Variants in ADK observed in about 807,000 individuals in gnomAD.
The protein encoded by ADK is N6,N6-dimethyladenosine kinase.
ADK carries 24 observed loss-of-function variants against 44.7 expected under a neutral mutation model. The observed-to-expected ratio is 0.54, with a 90% CI of 0.39 to 0.76. ADK has a LOEUF of 0.76. ADK is among the 30% of genes least tolerant of loss of function. The pLI is 0.00. For synonymous variants in ADK, 128 were observed against 142.6 expected (o/e 0.90, Z 0.73); for missense variants, 321 against 425.1 (o/e 0.76, Z 2.15).
At chr10:74,477,759 A>G (rs1273877701) in intron 6 of ADK, among the ~76,000 whole-genome samples, 1 of 152,142 alleles carries the variant, frequency 6.6e-6, no homozygotes, top group Non-Finnish European at 1.5e-5. Flanking sequence ...TAACATTTAT[A>G]TTGTTCTGTA....
At chr10:74,278,381 A>C (rs981640471) in intron 3 of ADK, among the ~76,000 whole-genome samples, 3 of 151,438 alleles carry the variant, frequency 2.0e-5, no homozygotes, top group African/African-American at 4.8e-5. Context: ...AAAAAAAAAA[A>C]AAAAACAACC....
intron 7 of ADK, among the ~76,000 whole-genome samples, chr10:74,575,520 G>A (rs747429988): frequency 7.9e-5 from 12 of 152,126 alleles, no homozygotes; most frequent in Non-Finnish European, 1.8e-4. Flanking sequence ...TGACAAGAGT[G>A]GTTGAAGGTA....
intron 9 of ADK, among the ~76,000 whole-genome samples, chr10:74,605,790 T>G (rs1435192191): frequency 6.6e-6 from 1 of 152,204 alleles, no homozygotes; most frequent in East Asian, 1.9e-4. Flanking sequence ...TCTTTTTCTA[T>G]TGTTTGGAAT....
chr10:74,528,183 A>G (rs1373545143), intron 7 of ADK: 1 of 804,944 alleles, frequency 1.2e-6, no homozygotes, highest in African/African-American at 1.7e-5. Context: ...GTTATTGAAT[A>G]TGTATCTTTG....
At chr10:74,372,664 T>G (rs991984753) in intron 4 of ADK, among the ~76,000 whole-genome samples, 1 of 152,086 alleles carries the variant, frequency 6.6e-6, no homozygotes, top group East Asian at 1.9e-4. Context: ...AGTGTGGAAC[T>G]TATACTCTAA....
intron 7 of ADK, among the ~76,000 whole-genome samples, chr10:74,529,661 G>T (rs1348099172): frequency 6.6e-6 from 1 of 151,996 alleles, no homozygotes; most frequent in Non-Finnish European, 1.5e-5. Flanking sequence ...GCTGCTACGT[G>T]GCTGTAAGTC....
intron 1 of ADK, among the ~76,000 whole-genome samples, chr10:74,157,239 G>C (rs984727451): frequency 1.3e-5 from 2 of 152,184 alleles, no homozygotes; most frequent in Non-Finnish European, 2.9e-5. Context: ...CCTGGGAAAA[G>C]AGGGAATGTC....
chr10:74,514,702 T>C (rs988816545), intron 6 of ADK, among the ~76,000 whole-genome samples: 5 of 152,220 alleles, frequency 3.3e-5, no homozygotes, highest in South Asian at 2.1e-4. Flanking sequence ...TTGTATCTTA[T>C]TGGATTTCTT....
intron 7 of ADK, among the ~76,000 whole-genome samples, chr10:74,562,833 A>C (rs1017147754): frequency 2.6e-5 from 4 of 152,224 alleles, no homozygotes; most frequent in Non-Finnish European, 1.5e-5. Context: ...GTAACTTTTA[A>C]ACTGTCCTTG....
At chr10:74,485,146 T>A (rs914851263) in intron 6 of ADK, among the ~76,000 whole-genome samples, 1 of 151,898 alleles carries the variant, frequency 6.6e-6, no homozygotes, top group Non-Finnish European at 1.5e-5. Flanking sequence ...CCAGAAAGAA[T>A]TAATATCCAT....
At chr10:74,587,469 C>T (rs565776827) in intron 7 of ADK, among the ~76,000 whole-genome samples, 1 of 152,290 alleles carries the variant, frequency 6.6e-6, no homozygotes, top group African/African-American at 2.4e-5. Flanking sequence ...CTTTCTAAAT[C>T]CTCAAAATGG....
Position 74,442,291 on chromosome 10 carries a change from G to A in ADK, c.555+43712G>A, listed in dbSNP as rs1018387149. Among the ~76,000 whole-genome samples the A allele has an allele frequency of 8.0e-5, 12 of 150,432 alleles. No individual in the cohort carries two copies. In the East Asian group the frequency reaches 1.7e-3, roughly 22 times the overall value. ...GCACAGAGATTATGAAAAACAATACGAAAGTTCCTTTAAAAACAGAACTAC... is the reference window on the plus strand; with the variant it reads ...GCACAGAGATTATGAAAAACAATACAAAAGTTCCTTTAAAAACAGAACTAC... On this transcript the variant is annotated intron_variant, in intron 6 of 10. Transcript: ENST00000539909.
intron 6 of ADK, among the ~76,000 whole-genome samples, chr10:74,444,244 A>G (rs1021506814): frequency 6.6e-6 from 1 of 152,156 alleles, no homozygotes; most frequent in African/African-American, 2.4e-5. Flanking sequence ...TTACTCTTTC[A>G]TAAAGGCTTA....
intron 3 of ADK, among the ~76,000 whole-genome samples, chr10:74,277,708 T>C (rs906573044): frequency 2.0e-5 from 3 of 152,158 alleles, no homozygotes; most frequent in African/African-American, 7.2e-5. Flanking sequence ...TAAATTTCTT[T>C]TATGGTTTCT....
chr10:74,177,940 TA>T (rs1341741918), intron 1 of ADK, among the ~76,000 whole-genome samples: 3,354 of 98,542 alleles, frequency 0.034, 71 homozygotes, highest in East Asian at 0.076. Flanking sequence ...TATATATATA[TA>T]TATATTTTTT....
At chr10:74,187,501 T>TACAC (rs147834892) in intron 1 of ADK, among the ~76,000 whole-genome samples, 457 of 151,056 alleles carry the variant, frequency 3.0e-3, no homozygotes, top group Admixed American at 4.2e-3. Flanking sequence ...TACACGCACA[T>TACAC]ACACACACAC....
chr10:74,431,945 C>T (rs1845014784), intron 6 of ADK, among the ~76,000 whole-genome samples: 2 of 152,094 alleles, frequency 1.3e-5, no homozygotes, highest in South Asian at 4.1e-4. Flanking sequence ...ATAATTCCAG[C>T]ACTTTAGGAG....
intron 9 of ADK, among the ~76,000 whole-genome samples, chr10:74,639,433 C>T (rs558367860): frequency 6.6e-6 from 1 of 152,278 alleles, no homozygotes; most frequent in East Asian, 1.9e-4. Context: ...TATTATGTTA[C>T]ATGAAAAATA....
At chr10:74,324,986 T>A (rs1007710464) in intron 4 of ADK, among the ~76,000 whole-genome samples, 1 of 152,214 alleles carries the variant, frequency 6.6e-6, no homozygotes, top group Non-Finnish European at 1.5e-5. Context: ...TGGGATCTTT[T>A]GTGGTTCTAT....
Sources: gnomAD v4.1 joint callset for allele counts (sites outside exome capture counted in the v4.1 genomes callset) on GRCh38, gnomAD v4.1.1 for gene constraint, MANE v1.5 for transcripts, NCBI Gene and HGNC (gene_info 2026-07-23, HGNC 2026-07-21) for gene names.